LRRTM4: variants seen among roughly 807,000 people sequenced by gnomAD.
LRRTM4 encodes leucine-rich repeat transmembrane neuronal protein 4.
LRRTM4 carries 25 observed loss-of-function variants against 47.6 expected under a neutral mutation model. The observed-to-expected ratio is 0.53, with a 90% confidence interval of 0.38 to 0.73. The LOEUF (loss-of-function observed/expected upper bound fraction) is 0.73, where lower values mean the gene tolerates loss of function less well. Among genes scored for constraint, LRRTM4 ranks in the 30% least tolerant of loss-of-function variants. The pLI is 0.00. For missense variants in LRRTM4, 638 were observed against 713.4 expected, an observed-to-expected ratio of 0.89 and a Z score of 1.20; for synonymous variants, 311 against 269.5, an observed-to-expected ratio of 1.15 and a Z score of -1.51.
At chr2:76,946,764 T>C (rs1299237785) in intron 3 of LRRTM4, among the ~76,000 whole-genome samples, 1 of 151,942 alleles carries the variant, frequency 6.6e-6, no homozygotes, top group Non-Finnish European at 1.5e-5. Context: ...TGGTCTGTAA[T>C]CTTCTAAATT....
chr2:76,765,477 T>C (rs1465873509), intron 3 of LRRTM4, among the ~76,000 whole-genome samples: 2 of 152,152 alleles, frequency 1.3e-5, no homozygotes, highest in Non-Finnish European at 1.5e-5. Context: ...CATTTGGAGA[T>C]AGGGCCTCTA....
intron 3 of LRRTM4, among the ~76,000 whole-genome samples, chr2:77,154,457 A>G (rs1672506712): frequency 6.6e-6 from 1 of 152,194 alleles, no homozygotes; most frequent in South Asian, 2.1e-4. Context: ...CAAAGAAGAA[A>G]AAGGCTAATT....
intron 3 of LRRTM4, among the ~76,000 whole-genome samples, chr2:76,905,033 C>A (rs1238228395): frequency 6.6e-6 from 1 of 152,072 alleles, no homozygotes; most frequent in Non-Finnish European, 1.5e-5. Flanking sequence ...TGAGAACAGG[C>A]AGACTGCCTC....
Position 76,783,226 on chromosome 2 carries a change from T to G in LRRTM4, c.1552-34310A>C, listed in dbSNP as rs2104168335. Among the ~76,000 whole-genome samples, 3 of 152,346 alleles carry G rather than the reference T, an allele frequency of 2.0e-5. 1 individual carries two copies. The highest frequency in any genetic ancestry group is 3.4e-3 in the Middle Eastern group (1 of 294). ...TCCTACCCCATAGTAAGCAGTAAGCTAAATGTTGTGTTTTCATCAGGTTAC... is the reference window on the plus strand; with the variant it reads ...TCCTACCCCATAGTAAGCAGTAAGCGAAATGTTGTGTTTTCATCAGGTTAC... On this transcript the variant is annotated intron_variant, in intron 3 of 3. Coordinates refer to ENST00000409884, the MANE Select transcript of LRRTM4 (RefSeq NM_001134745.3).
intron 3 of LRRTM4, among the ~76,000 whole-genome samples, chr2:77,123,376 C>A (rs115557342): frequency 1.3e-5 from 2 of 152,056 alleles, no homozygotes; most frequent in African/African-American, 4.8e-5. Flanking sequence ...TGGCTTACAG[C>A]CTTAATTACG....
intron 3 of LRRTM4, among the ~76,000 whole-genome samples, chr2:77,264,364 G>A (rs1450948291): frequency 6.6e-6 from 1 of 151,102 alleles, no homozygotes; most frequent in Non-Finnish European, 1.5e-5. Flanking sequence ...GCATGCAAGT[G>A]AGCGCTCTGG....
intron 3 of LRRTM4, among the ~76,000 whole-genome samples, chr2:77,217,297 A>C (rs1674477444): frequency 6.7e-6 from 1 of 148,966 alleles, no homozygotes. Context: ...TACTAGAGAT[A>C]TTAACATTTA....
chr2:76,930,489 A>G (rs1674735777), intron 3 of LRRTM4, among the ~76,000 whole-genome samples: 1 of 152,200 alleles, frequency 6.6e-6, no homozygotes, highest in African/African-American at 2.4e-5. Context: ...ACCTAGAGGC[A>G]CAGAAGTAAC....
rs1558667632 is a variant in LRRTM4, at chr2:76,807,465, T to TACAC, written c.1552-58550_1552-58549insGTGT. On this transcript the variant is annotated intron_variant, in intron 3 of 3. Transcript: ENST00000409884. ...ATATACATATATATATATACATATA[T>TACAC]ATATACATATATATATATATACATA... is the stretch of plus-strand genomic sequence containing the variant. Among the ~76,000 whole-genome samples the TACAC allele has an allele frequency of 3.2e-3, 328 of 102,468 alleles. 1 individual carries two copies. Among genetic ancestry groups the TACAC allele is most frequent in the African/African-American group, 0.013 (289 of 21,824 alleles). The allele number at this position is 102,468 out of a possible 152,430, so 67.2% of individuals were successfully genotyped here.
chr2:76,754,104 G>A (rs1672945021), intron 3 of LRRTM4, among the ~76,000 whole-genome samples: 1 of 151,670 alleles, frequency 6.6e-6, no homozygotes, highest in Admixed American at 6.6e-5. Flanking sequence ...AACTACTCAG[G>A]GCATTTAAAA....
rs1673693350 is a variant in LRRTM4 at position 77,396,143 on chromosome 2, A to G, written c.1551+122175T>C. 5.9e-5 allele frequency among the ~76,000 whole-genome samples: 9 copies of G among 151,882 alleles called. 1 individual carries two copies. Among genetic ancestry groups the G allele is most frequent in the Admixed American group, 5.9e-4 (9 of 15,200 alleles). On this transcript the variant is annotated intron_variant, in intron 3 of 3. Coordinates refer to ENST00000409884, the MANE Select transcript of LRRTM4 (RefSeq NM_001134745.3). ...TTTTTTAATTAAAACCACCAAAAAG[A>G]TTTGTTCATTTTACAAGCTGATTAA...
At chr2:77,174,783 C>T (rs910575285) in intron 3 of LRRTM4, among the ~76,000 whole-genome samples, 2 of 151,976 alleles carry the variant, frequency 1.3e-5, no homozygotes, top group Non-Finnish European at 2.9e-5. Context: ...TCACCTAATG[C>T]TATCCCTCCC....
chr2:76,857,449 GTCAAGAATAGGCTCTT>G (rs1301878269), intron 3 of LRRTM4, among the ~76,000 whole-genome samples: 1 of 151,644 alleles, frequency 6.6e-6, no homozygotes, highest in African/African-American at 2.4e-5. Flanking sequence ...TAAGGCTTTG[GTCAAGAATAGGCTCTT>G]AGTAGTTAAG....
chr2:77,320,105 C>T (rs1193251879), intron 3 of LRRTM4, among the ~76,000 whole-genome samples: 1 of 152,020 alleles, frequency 6.6e-6, no homozygotes, highest in Admixed American at 6.6e-5. Context: ...TTTGTTGAGC[C>T]TTCTTAGATA....
rs113207768 is a variant in LRRTM4 at position 77,278,390 on chromosome 2, T to C, written c.1551+239928A>G. Reference sequence around the variant, plus strand: ...GCATGTAACATTGTCCTATAACAGCTAGAAGGAGCTTAAAAATTCACCATA... The same window carrying C: ...GCATGTAACATTGTCCTATAACAGCCAGAAGGAGCTTAAAAATTCACCATA... On this transcript the variant is annotated intron_variant, in intron 3 of 3. Transcript: ENST00000409884. Among the ~76,000 whole-genome samples, 102 of 152,144 alleles carry C rather than the reference T, an allele frequency of 6.7e-4. 2 individuals carry two copies. The Middle Eastern group carries it at 0.017, about 25-fold the overall frequency.
chr2:77,079,167 A>T (rs1289650254), intron 3 of LRRTM4, among the ~76,000 whole-genome samples: 1 of 152,238 alleles, frequency 6.6e-6, no homozygotes, highest in East Asian at 1.9e-4. Context: ...AACAACTGAC[A>T]TAAGGGAAAC....
At chr2:76,784,250 T>G (rs559295350) in intron 3 of LRRTM4, among the ~76,000 whole-genome samples, 68 of 152,054 alleles carry the variant, frequency 4.5e-4, no homozygotes, top group Non-Finnish European at 7.1e-4. Flanking sequence ...TTCAGATAAA[T>G]AAATCATAGT....
At chr2:76,943,013 G>C (rs924759721) in intron 3 of LRRTM4, among the ~76,000 whole-genome samples, 4 of 152,042 alleles carry the variant, frequency 2.6e-5, no homozygotes, top group East Asian at 1.9e-4. Flanking sequence ...AGAGCAACAT[G>C]ATTTTGAGAA....
intron 3 of LRRTM4, among the ~76,000 whole-genome samples, chr2:77,382,409 T>C (rs1355814454): frequency 6.6e-6 from 1 of 152,094 alleles, no homozygotes. Context: ...TGTGGAACTC[T>C]AAAGCAATTA....
Sources: allele counts gnomAD v4.1 joint callset (sites outside exome capture counted in the v4.1 genomes callset), GRCh38; gene constraint gnomAD v4.1.1; transcripts MANE v1.5; gene names NCBI Gene and HGNC (gene_info 2026-07-23, HGNC 2026-07-21).